RBFOX1: variants seen among roughly 807,000 people sequenced by gnomAD.
The protein encoded by RBFOX1 is RNA binding protein fox-1 homolog 1.
RBFOX1 carries 8 observed loss-of-function variants against 57.7 expected under a neutral mutation model. The observed-to-expected ratio is 0.14, with a 90% CI of 0.08 to 0.25. The LOEUF (loss-of-function observed/expected upper bound fraction) is 0.25, where lower values mean the gene tolerates loss of function less well. RBFOX1 is among the 10% of genes least tolerant of loss of function. RBFOX1 has a pLI of 1.00. For synonymous variants in RBFOX1, 326 were observed against 222.4 expected (o/e 1.47, Z -4.15); for missense variants, 611 against 548.5 (o/e 1.11, Z -1.14).
chr16:7,182,438 T>TAGCAGC (rs78482744), intron 4 of RBFOX1, among the ~76,000 whole-genome samples: 1 of 152,194 alleles, frequency 6.6e-6, no homozygotes, highest in African/African-American at 2.4e-5. Flanking sequence ...CGAAAGTTCT[T>TAGCAGC]AGCAGCAGCA....
At chr16:5,555,966 A>G (rs1395960415) in intron 2 of RBFOX1, among the ~76,000 whole-genome samples, 1 of 152,140 alleles carries the variant, frequency 6.6e-6, no homozygotes, top group Non-Finnish European at 1.5e-5. Flanking sequence ...GGTTGCAGCG[A>G]GCTGAGGTCA....
chr16:7,678,062 C>T (rs1375348473), intron 14 of RBFOX1, among the ~76,000 whole-genome samples: 1 of 152,182 alleles, frequency 6.6e-6, no homozygotes, highest in Admixed American at 6.5e-5. Flanking sequence ...CCCATGCATA[C>T]ACTTGTAACA....
intron 4 of RBFOX1, among the ~76,000 whole-genome samples, chr16:7,158,751 G>C (rs1256988795): frequency 6.6e-6 from 1 of 151,904 alleles, no homozygotes; most frequent in South Asian, 2.1e-4. Flanking sequence ...TTTCTGGGTG[G>C]TGTGTGCATG....
At chr16:7,399,898 A>T (rs1351577472) in intron 4 of RBFOX1, among the ~76,000 whole-genome samples, 1 of 152,206 alleles carries the variant, frequency 6.6e-6, no homozygotes, top group Non-Finnish European at 1.5e-5. Context: ...GTTCATTTTA[A>T]CTTAGAATAT....
chr16:5,752,411 A>G (rs778016474), intron 3 of RBFOX1, among the ~76,000 whole-genome samples: 1 of 152,214 alleles, frequency 6.6e-6, no homozygotes, highest in African/African-American at 2.4e-5. Flanking sequence ...AAACCTGCAC[A>G]TGTATCCTTT....
At chr16:5,793,430 G>C (rs1341415419) in intron 3 of RBFOX1, among the ~76,000 whole-genome samples, 1 of 152,242 alleles carries the variant, frequency 6.6e-6, no homozygotes, top group Non-Finnish European at 1.5e-5. Flanking sequence ...AATTCAGCCC[G>C]TTGGCATGGG....
At chr16:7,092,317 A>G (rs542718190) in intron 4 of RBFOX1, among the ~76,000 whole-genome samples, 19 of 152,354 alleles carry the variant, frequency 1.2e-4, no homozygotes, top group Admixed American at 5.2e-4. Flanking sequence ...TGTAAAACAC[A>G]TCTCCATTTC....
At chr16:7,691,076 G>A (rs955386637) in intron 14 of RBFOX1, among the ~76,000 whole-genome samples, 1 of 152,084 alleles carries the variant, frequency 6.6e-6, no homozygotes, top group African/African-American at 2.4e-5. Context: ...GACACCTTAT[G>A]GTGACCTTTC....
chr16:7,449,966 C>G (rs556854540), intron 4 of RBFOX1, among the ~76,000 whole-genome samples: 4 of 151,946 alleles, frequency 2.6e-5, no homozygotes, highest in South Asian at 2.1e-4. Context: ...AGAAGGATGG[C>G]GAAACATCAG....
intron 4 of RBFOX1, among the ~76,000 whole-genome samples, chr16:7,311,862 G>C (rs1286432650): frequency 6.6e-6 from 1 of 152,178 alleles, no homozygotes; most frequent in Non-Finnish European, 1.5e-5. Flanking sequence ...CAGAAGTCAT[G>C]AGCTGAAGGC....
At chr16:6,394,283 T>C (rs139781394) in intron 2 of RBFOX1, among the ~76,000 whole-genome samples, 6 of 152,306 alleles carry the variant, frequency 3.9e-5, no homozygotes, top group Admixed American at 6.5e-5. Flanking sequence ...GATCGAGGCA[T>C]ATTGTGGAGA....
In RBFOX1 at chr16:5,437,444, C is replaced by T. The variant is rs113567113; in HGVS notation, c.220-29772C>T. ...CTCACAAGGAAATCATCCTAAGTATCGTAAAAACATGAAGAACAAAAGTGT... is the reference window on the plus strand; with the variant it reads ...CTCACAAGGAAATCATCCTAAGTATTGTAAAAACATGAAGAACAAAAGTGT... On this transcript the variant is annotated intron_variant, in intron 1 of 2. Coordinates refer to the RBFOX1 transcript ENST00000585867. Among the ~76,000 whole-genome samples, 325 of 152,256 alleles carry T rather than the reference C, an allele frequency of 2.1e-3. 3 individuals carry two copies. Among genetic ancestry groups the T allele is most frequent in the Non-Finnish European group, 3.5e-3 (236 of 68,012 alleles).
intron 4 of RBFOX1, among the ~76,000 whole-genome samples, chr16:7,279,713 C>T (rs776202209): frequency 2.6e-5 from 4 of 152,196 alleles, no homozygotes; most frequent in Non-Finnish European, 4.4e-5. Flanking sequence ...TAATGGGCGA[C>T]GTAAGCTCGC....
intron 2 of RBFOX1, among the ~76,000 whole-genome samples, chr16:5,494,242 A>G (rs1218141898): frequency 6.6e-6 from 1 of 152,264 alleles, no homozygotes; most frequent in East Asian, 1.9e-4. Flanking sequence ...TCATCCAGAA[A>G]CCTTGTTCCC....
intron 4 of RBFOX1, among the ~76,000 whole-genome samples, chr16:7,091,483 C>T (rs1567221896): frequency 6.6e-6 from 1 of 151,790 alleles, no homozygotes; most frequent in Non-Finnish European, 1.5e-5. Flanking sequence ...GAGAGTTATG[C>T]CAGGCGGCAG....
intron 3 of RBFOX1, among the ~76,000 whole-genome samples, chr16:5,852,816 C>G (rs2056929946): frequency 6.6e-6 from 1 of 151,862 alleles, no homozygotes; most frequent in South Asian, 2.1e-4. Flanking sequence ...GGTGACAGAG[C>G]AAAACTCCAT....
At chr16:6,672,328 G>A (rs1418574715) in intron 3 of RBFOX1, among the ~76,000 whole-genome samples, 1 of 151,656 alleles carries the variant, frequency 6.6e-6, no homozygotes, top group Non-Finnish European at 1.5e-5. Context: ...TATTGTGGTG[G>A]GGAAGGGTGG....
chr16:5,423,567 C>CTGAGGCCATTGCTGCGTGTCTG (rs1452096474), intron 1 of RBFOX1, among the ~76,000 whole-genome samples: 1 of 152,150 alleles, frequency 6.6e-6, no homozygotes, highest in Non-Finnish European at 1.5e-5. Flanking sequence ...CTGCGTGTCT[C>CTGAGGCCATTGCTGCGTGTCTG]TGAGGCCATT....
intron 3 of RBFOX1, among the ~76,000 whole-genome samples, chr16:5,803,964 T>C (rs1303946922): frequency 1.3e-5 from 2 of 152,188 alleles, no homozygotes; most frequent in Non-Finnish European, 2.9e-5. Context: ...TCCCTACTTG[T>C]CAAACTCCTA....
Sources: gnomAD v4.1 joint callset for allele counts (sites outside exome capture counted in the v4.1 genomes callset) on GRCh38, gnomAD v4.1.1 for gene constraint, MANE v1.5 for transcripts, NCBI Gene and HGNC (gene_info 2026-07-23, HGNC 2026-07-21) for gene names.